Variants in PITPNC1 observed in about 807,000 individuals in gnomAD.
The protein encoded by PITPNC1 is phosphatidylinositol transfer protein cytoplasmic 1.
Under a neutral mutation model 44.7 loss-of-function variants are expected in PITPNC1, and 18 were observed. The observed-to-expected ratio is 0.40, with a 90% CI of 0.28 to 0.60. PITPNC1 has a LOEUF of 0.60. Among genes scored for constraint, PITPNC1 ranks in the 20% least tolerant of loss-of-function variants. The pLI is 0.39. For synonymous variants in PITPNC1, 141 were observed against 149.6 expected (o/e 0.94, Z 0.42); for missense variants, 290 against 418.4 (o/e 0.69, Z 2.68).
chr17:67,663,290 C>A (rs1357712443), intron 6 of PITPNC1, among the ~76,000 whole-genome samples: 1 of 152,134 alleles, frequency 6.6e-6, no homozygotes, highest in Non-Finnish European at 1.5e-5. Context: ...AAGCAGTAGG[C>A]CGGGCGCGGT....
intron 5 of PITPNC1, among the ~76,000 whole-genome samples, chr17:67,580,786 C>T (rs1265840151): frequency 3.3e-5 from 5 of 152,192 alleles, no homozygotes; most frequent in African/African-American, 7.2e-5. Flanking sequence ...CTATGGCTCA[C>T]ACCTATAATC....
intron 6 of PITPNC1, among the ~76,000 whole-genome samples, chr17:67,653,815 C>T (rs1257924116): frequency 7.0e-6 from 1 of 143,020 alleles, no homozygotes. Flanking sequence ...GAGAGCCCTG[C>T]CCTGGCTTGG....
intron 4 of PITPNC1, among the ~76,000 whole-genome samples, chr17:67,574,864 C>T (rs1032773808): frequency 6.6e-6 from 1 of 152,144 alleles, no homozygotes; most frequent in Non-Finnish European, 1.5e-5. Context: ...TGTTCTCTGG[C>T]CACCCTGCTG....
intron 1 of PITPNC1, among the ~76,000 whole-genome samples, chr17:67,382,171 A>G (rs1264235577): frequency 6.6e-6 from 1 of 152,206 alleles, no homozygotes; most frequent in Non-Finnish European, 1.5e-5. Flanking sequence ...TAAATGAAAA[A>G]TCAGAGGCCT....
chr17:67,480,807 C>T (rs528652352), intron 1 of PITPNC1, among the ~76,000 whole-genome samples: 13 of 152,224 alleles, frequency 8.5e-5, no homozygotes, highest in African/African-American at 3.1e-4. Flanking sequence ...TCAGTTAATA[C>T]GACTTTCTTT....
intron 1 of PITPNC1, among the ~76,000 whole-genome samples, chr17:67,422,858 C>G (rs993017979): frequency 1.3e-5 from 2 of 152,114 alleles, no homozygotes; most frequent in African/African-American, 2.4e-5. Flanking sequence ...CAAACAATGT[C>G]TAGTTTGCAG....
intron 8 of PITPNC1, among the ~76,000 whole-genome samples, chr17:67,677,098 G>T (rs2042617084): frequency 6.6e-6 from 1 of 151,940 alleles, no homozygotes; most frequent in African/African-American, 2.4e-5. Flanking sequence ...CTTTCTGGTT[G>T]TTTTTTTCTG....
At chr17:67,466,874 T>TC (rs984408988) in intron 1 of PITPNC1, among the ~76,000 whole-genome samples, 3 of 151,344 alleles carry the variant, frequency 2.0e-5, no homozygotes, top group African/African-American at 4.9e-5. Flanking sequence ...TTAATTTTCT[T>TC]CCCCCCCAAA....
chr17:67,562,260 A>G (rs1454391794), intron 4 of PITPNC1, among the ~76,000 whole-genome samples: 1 of 152,192 alleles, frequency 6.6e-6, no homozygotes, highest in Non-Finnish European at 1.5e-5. Context: ...GCCTCTGTGT[A>G]GGGTGCGGGC....
intron 1 of PITPNC1, among the ~76,000 whole-genome samples, chr17:67,391,350 T>TAC (rs146777108): frequency 8.6e-5 from 13 of 151,866 alleles, no homozygotes; most frequent in African/African-American, 1.9e-4. Flanking sequence ...CATGTCATCT[T>TAC]ACACACACAC....
chr17:67,599,026 A>ATTT (rs2041501882), intron 5 of PITPNC1, among the ~76,000 whole-genome samples: 1 of 32,460 alleles, frequency 3.1e-5, no homozygotes, highest in African/African-American at 1.4e-4. Context: ...ATATATATAT[A>ATTT]TATATATATT....
intron 1 of PITPNC1, among the ~76,000 whole-genome samples, chr17:67,389,113 G>A (rs571561487): frequency 6.6e-4 from 100 of 152,306 alleles, no homozygotes; most frequent in African/African-American, 2.3e-3. Flanking sequence ...GGTTCACATG[G>A]TTGTTGGCAG....
chr17:67,408,960 A>C (rs2038448045), intron 1 of PITPNC1: 1 of 150,750 alleles, frequency 6.6e-6, no homozygotes, highest in Admixed American at 6.6e-5. Flanking sequence ...ACAAAGATTT[A>C]TGCCTATGTT....
At chr17:67,574,315 G>A (rs1192665429) in intron 4 of PITPNC1, among the ~76,000 whole-genome samples, 1 of 152,204 alleles carries the variant, frequency 6.6e-6, no homozygotes, top group Non-Finnish European at 1.5e-5. Context: ...CTGAAAAAGA[G>A]GAGGATATAT....
At chr17:67,541,165 A>G (rs1568033054) in intron 2 of PITPNC1, among the ~76,000 whole-genome samples, 2 of 152,226 alleles carry the variant, frequency 1.3e-5, no homozygotes, top group African/African-American at 4.8e-5. Flanking sequence ...CAGAGAGCCA[A>G]GACTGCACCA....
intron 5 of PITPNC1, among the ~76,000 whole-genome samples, chr17:67,584,748 T>C (rs2041288520): frequency 6.6e-6 from 1 of 152,194 alleles, no homozygotes; most frequent in Admixed American, 6.5e-5. Flanking sequence ...AACCATTTGC[T>C]GTTCAACAAG....
intron 8 of PITPNC1, among the ~76,000 whole-genome samples, chr17:67,684,355 C>G (rs2042774925): frequency 6.6e-6 from 1 of 151,968 alleles, no homozygotes; most frequent in African/African-American, 2.4e-5. Context: ...TCAGGTGATC[C>G]GCCCATCTCG....
chr17:67,424,327 A>T (rs1222438260), intron 1 of PITPNC1, among the ~76,000 whole-genome samples: 1 of 152,076 alleles, frequency 6.6e-6, no homozygotes, highest in Non-Finnish European at 1.5e-5. Flanking sequence ...ATTTAATCCA[A>T]ACTATAACTA....
intron 1 of PITPNC1, among the ~76,000 whole-genome samples, chr17:67,462,225 CTTTTT>C (rs549707875): frequency 5.6e-5 from 4 of 71,240 alleles, no homozygotes; most frequent in Admixed American, 1.8e-4. Flanking sequence ...TTCTTTCTTT[CTTTTT>C]TTTTTTTTTT....
Sources: gnomAD v4.1 joint callset for allele counts (sites outside exome capture counted in the v4.1 genomes callset) on GRCh38, gnomAD v4.1.1 for gene constraint, MANE v1.5 for transcripts, NCBI Gene and HGNC (gene_info 2026-07-23, HGNC 2026-07-21) for gene names.